BICC1: variants seen among roughly 807,000 people sequenced by gnomAD.
BICC1 encodes the protein protein bicaudal C homolog 1.
Under a neutral mutation model 111.0 loss-of-function variants are expected in BICC1, and 43 were observed. The ratio of observed to expected loss-of-function variants is 0.39; its 90% confidence interval spans 0.30 to 0.50. The LOEUF is 0.50. BICC1 is among the 20% of genes least tolerant of loss of function. The pLI is 0.88. For missense variants in BICC1, 1,091 were observed against 1,203.2 expected (o/e 0.91, Z 1.38); for synonymous variants, 467 against 434.4 (o/e 1.07, Z -0.93).
chr10:58,677,653 A>G (rs907833238), intron 2 of BICC1, among the ~76,000 whole-genome samples: 2 of 152,226 alleles, frequency 1.3e-5, no homozygotes, highest in East Asian at 1.9e-4. Context: ...AACTTTCCCA[A>G]CCTAGCAAGA....
At chr10:58,579,215 C>T (rs573932431) in intron 1 of BICC1, among the ~76,000 whole-genome samples, 4 of 152,230 alleles carry the variant, frequency 2.6e-5, no homozygotes, top group Admixed American at 6.5e-5. Flanking sequence ...GGCTTCCTTG[C>T]GACATTCCTT....
At chr10:58,746,199 T>C (rs1841832866) in intron 3 of BICC1, among the ~76,000 whole-genome samples, 1 of 152,134 alleles carries the variant, frequency 6.6e-6, no homozygotes, top group Admixed American at 6.6e-5. Context: ...AGACATCTTT[T>C]TCCTACTGAA....
At chr10:58,624,087 T>C (rs978859597) in intron 2 of BICC1, among the ~76,000 whole-genome samples, 1 of 152,192 alleles carries the variant, frequency 6.6e-6, no homozygotes, top group African/African-American at 2.4e-5. Flanking sequence ...GTTCCATGCC[T>C]TTCTTTAGCT....
chr10:58,585,844 G>A (rs1844412835), intron 1 of BICC1, among the ~76,000 whole-genome samples: 1 of 152,186 alleles, frequency 6.6e-6, no homozygotes, highest in Non-Finnish European at 1.5e-5. Context: ...GACAGATGAT[G>A]ACGTACCTTC....
intron 1 of BICC1, among the ~76,000 whole-genome samples, chr10:58,541,403 C>T (rs563455743): frequency 6.6e-6 from 1 of 152,182 alleles, no homozygotes; most frequent in East Asian, 1.9e-4. Context: ...CATTTCTATA[C>T]TCAGCAATGA....
chr10:58,727,005 T>G (rs7923248), intron 3 of BICC1, among the ~76,000 whole-genome samples: 1 of 151,998 alleles, frequency 6.6e-6, no homozygotes, highest in East Asian at 1.9e-4. Context: ...AACATGAAGT[T>G]GCTTTAGAAA....
At chr10:58,724,671 C>T (rs938742386) in intron 3 of BICC1, among the ~76,000 whole-genome samples, 6 of 152,216 alleles carry the variant, frequency 3.9e-5, no homozygotes, top group African/African-American at 1.4e-4. Flanking sequence ...CTTAGCCCTA[C>T]TTGCCCTGTC....
chr10:58,704,792 A>T (rs572534547), intron 3 of BICC1, among the ~76,000 whole-genome samples: 2 of 152,338 alleles, frequency 1.3e-5, no homozygotes, highest in Non-Finnish European at 2.9e-5. Flanking sequence ...TGAGCTAGAG[A>T]GACAGTACAG....
intron 1 of BICC1, among the ~76,000 whole-genome samples, chr10:58,572,368 C>T (rs999715631): frequency 4.6e-5 from 7 of 151,892 alleles, no homozygotes; most frequent in East Asian, 3.9e-4. Context: ...TGTTGTGACA[C>T]GTCTTCATCA....
chr10:58,741,523 T>A (rs906526765), intron 3 of BICC1, among the ~76,000 whole-genome samples: 1 of 152,202 alleles, frequency 6.6e-6, no homozygotes, highest in Admixed American at 6.5e-5. Flanking sequence ...TGGCAATATG[T>A]TTGGCGAATT....
intron 3 of BICC1, among the ~76,000 whole-genome samples, chr10:58,778,797 G>A (rs1280705740): frequency 6.6e-6 from 1 of 152,128 alleles, no homozygotes; most frequent in African/African-American, 2.4e-5. Context: ...CTAACGTTTT[G>A]CTTTAACTAT....
rs115226505 is a variant in BICC1, at chr10:58,642,574, G to A, written c.237+21673G>A. 8.7e-3 allele frequency among the ~76,000 whole-genome samples: 1,322 copies of A among 152,280 alleles called. 17 individuals are homozygous for A. Among genetic ancestry groups the A allele is most frequent in the African/African-American group, 0.03 (1,254 of 41,550 alleles). ...TCATCCTTTCTGTTCCACTCAGCCA[G>A]TGGTCTCCCAGGAAAGTGTGGTTGA... is the stretch of plus-strand genomic sequence containing the variant. On this transcript the variant is annotated intron_variant, in intron 2 of 20. Coordinates refer to ENST00000373886, the MANE Select transcript of BICC1 (RefSeq NM_001080512.3).
At chr10:58,640,795 G>A (rs2043777) in intron 2 of BICC1, among the ~76,000 whole-genome samples, 151,363 of 152,330 alleles carry the variant, frequency 0.99, 75,203 homozygotes, top group Middle Eastern at 1. Context: ...ATTATAATGT[G>A]TCTACGAAAG....
Position 58,828,953 on chromosome 10 carries a change from C to CA in BICC1, c.*63dup. On this transcript the variant is annotated 3_prime_UTR_variant, in exon 21 of 21. Transcript: ENST00000373886. ...AAAGTGGACACAGGAGATGTATGAA[C>CA]AGCCTTCACAGCACACCATCCTTAG... 1 of 1,591,744 alleles carries CA rather than the reference C, an allele frequency of 6.3e-7. No homozygotes were observed. Among genetic ancestry groups the CA allele is most frequent in the Admixed American group, 1.7e-5 (1 of 58,938 alleles).
At position 58,797,199 on chromosome 10, in the gene BICC1, T is replaced by C. The variant is rs189445732; in HGVS notation, c.1366+673T>C. Among the ~76,000 whole-genome samples, 1,086 of 152,366 alleles carry C rather than the reference T, an allele frequency of 7.1e-3. 14 individuals carry two copies. Among genetic ancestry groups the C allele is most frequent in the African/African-American group, 0.025 (1,046 of 41,594 alleles). On this transcript the variant is annotated intron_variant, in intron 10 of 20. Transcript: ENST00000373886. ...GAAGTTAATTGCTGTATTACAGTTT[T>C]GCTAGATTTATTTCTTTCCTGCACA...
At chr10:58,513,366 C>T in intron 1 of BICC1, 33 bp downstream of exon 1, 2 of 1,541,922 alleles carry the variant, frequency 1.3e-6, no homozygotes, top group South Asian at 1.2e-5. Flanking sequence ...GACTCTCCGA[C>T]TGAGCCTCTA....
At chr10:58,800,855 T>C in intron 13 of BICC1, 35 bp from the exon 14 acceptor site, 1 of 1,562,340 alleles carries the variant, frequency 6.4e-7, no homozygotes, top group Non-Finnish European at 8.7e-7. Flanking sequence ...TGATGTTGTT[T>C]AGGTGTTTCA....
chr10:58,667,442 A>C (rs1839047757), intron 2 of BICC1, among the ~76,000 whole-genome samples: 1 of 342 alleles, frequency 2.9e-3, no homozygotes, highest in Non-Finnish European at 5.7e-3. Context: ...TACTCTTATA[A>C]TTCTTAGGGA....
At chr10:58,568,424 A>T (rs985040850) in intron 1 of BICC1, among the ~76,000 whole-genome samples, 1 of 152,164 alleles carries the variant, frequency 6.6e-6, no homozygotes, top group Non-Finnish European at 1.5e-5. Flanking sequence ...AACCTGGGTC[A>T]CATTTGTTCC....
Sources: gnomAD v4.1 joint callset for allele counts (sites outside exome capture counted in the v4.1 genomes callset) on GRCh38, gnomAD v4.1.1 for gene constraint, MANE v1.5 for transcripts, NCBI Gene and HGNC (gene_info 2026-07-23, HGNC 2026-07-21) for gene names.